CLDN15: variants seen among roughly 807,000 people sequenced by gnomAD.
CLDN15 encodes claudin-15.
CLDN15 carries 9 observed loss-of-function variants against 24.5 expected under a neutral mutation model. The ratio of observed to expected loss-of-function variants is 0.37; its 90% CI spans 0.22 to 0.64. CLDN15 has a LOEUF of 0.64. CLDN15 is among the 30% of genes least tolerant of loss of function. The pLI, the probability that CLDN15 is intolerant of heterozygous loss-of-function variation, is 0.63. For missense variants in CLDN15, 248 were observed against 305.9 expected, an observed-to-expected ratio of 0.81 and a Z score of 1.41; for synonymous variants, 149 against 131.4, an observed-to-expected ratio of 1.13 and a Z score of -0.92.
At chr7:101,236,940 AC>A in intron 1 of CLDN15, 1 of 533,498 alleles carries the variant, frequency 1.9e-6, no homozygotes, top group Non-Finnish European at 3.1e-6. Context: ...CCCCCTGCCC[AC>A]CCCAGCAATC....
Position 101,237,645 on chromosome 7 carries a change from A to T in CLDN15, c.-64T>A. The T allele has an allele frequency of 1.7e-6, 2 of 1,209,396 alleles. No individual in the cohort carries two copies. Among genetic ancestry groups the T allele is most frequent in the Non-Finnish European group, 2.4e-6 (2 of 822,184 alleles). 74.9% of individuals were successfully genotyped at this position (1,209,396 alleles called of 1,614,324 possible). A position where few individuals can be genotyped will look rare whatever the true frequency, so the allele number is the denominator to read the frequency against. On this transcript the variant is annotated 5_prime_UTR_variant, in exon 1 of 5. Transcript: ENST00000308344. The surrounding 1 kb of genome is among the most constrained non-coding windows in gnomAD (Gnocchi z 4.0). Reference sequence around the variant, plus strand: ...AGGGGGAGGGGCAGAACCCCTAGGGAACTGGAAGGGGCTGCGGCTAAGGAG... The same window carrying T: ...AGGGGGAGGGGCAGAACCCCTAGGGTACTGGAAGGGGCTGCGGCTAAGGAG...
chr7:101,232,941 C>G (rs1292358515), intron 2 of CLDN15, 27 bp from the exon 3 acceptor site: 2 of 1,552,884 alleles, frequency 1.3e-6, no homozygotes, highest in Non-Finnish European at 1.8e-6. Context: ...GACCCCAGTC[C>G]AGTCCAGGGG....
intron 2 of CLDN15, chr7:101,233,737 A>G (rs1389357297): frequency 5.3e-6 from 1 of 189,252 alleles, no homozygotes; most frequent in Non-Finnish European, 1.1e-5. Context: ...CAGTGGGACT[A>G]CAGGTGCCTG....
chr7:101,234,408 G>A lies in CLDN15; in HGVS notation c.252C>T (p.Thr84=), dbSNP rs773466668. The change falls in exon 2 of 5, where the codon ACC becomes ACT. Residue 84 remains threonine (T), a synonymous_variant. Transcript: ENST00000308344. ...GGCCGAGGAAGCCCAGGAGGATGGC[G>A]GTGATCATGAGTGCCCGGCAGGCCT... ...YIQACRALMI[T]AILLGFLGLL... 5.6e-6 allele frequency: 9 copies of A among 1,613,048 alleles called. No individual in the cohort carries two copies. The highest frequency in any genetic ancestry group is 1.7e-5 in the Admixed American group (1 of 59,984).
chr7:101,237,506 T>C lies in CLDN15; in HGVS notation c.76A>G (p.Asn26Asp). Residue 26 changes from asparagine to aspartate, a missense_variant, in exon 1 of 5, where the codon AAC becomes GAC. Coordinates refer to ENST00000308344, the MANE Select transcript of CLDN15 (RefSeq NM_014343.3). The surrounding 1 kb of genome is among the most constrained non-coding windows in gnomAD (Gnocchi z 4.0). Reference sequence around the variant, plus strand: ...ACAGTGGACACTCGCCAGTAGCTGTTTGGCAGAGTCACCCCCAGCATCAGC... The same window carrying C: ...ACAGTGGACACTCGCCAGTAGCTGTCTGGCAGAGTCACCCCCAGCATCAGC... ...GLLMLGVTLPNSYWRVSTVHG... is the reference protein window; with the variant it reads ...GLLMLGVTLPDSYWRVSTVHG... 1 of 1,614,094 alleles carries C rather than the reference T, an allele frequency of 6.2e-7. No individual in the cohort carries two copies.
Position 101,232,336 on chromosome 7 carries a change from AG to A in CLDN15, c.*73del. 9.1e-7 allele frequency: 1 copy of A among 1,097,388 alleles called. No individual in the cohort carries two copies. The highest frequency in any genetic ancestry group is 1.4e-5 in the South Asian group (1 of 73,076). 68.0% of individuals were successfully genotyped at this position (1,097,388 alleles called of 1,614,324 possible). On this transcript the variant is annotated 3_prime_UTR_variant, in exon 5 of 5. Transcript: ENST00000308344. ...CGTGGCCGGCCCCTGAGGTTACTAT[AG>A]GGGAATGGGCCCCGGCCAGGTCCCC...
rs1241994651 is a variant in CLDN15 at position 101,233,064 on chromosome 7, CCA to C, written c.383-152_383-151del. ...TTCACTCAATTCCTTTCTCCCCACC[CCA>C]GTTTATAAGCCTTCCTCCTTCCTGG... is the stretch of plus-strand genomic sequence containing the variant. On this transcript the variant is annotated intron_variant, in intron 2 of 4. Transcript: ENST00000308344. The C allele has an allele frequency of 4.5e-6, 3 of 662,576 alleles. No individual in the cohort carries two copies. The African/African-American group carries it at 5.4e-5, about 12-fold the overall frequency. The allele number at this position is 662,576 out of a possible 1,614,324, so 41.0% of individuals were successfully genotyped here. A position where few individuals can be genotyped will look rare whatever the true frequency, so the allele number is the denominator to read the frequency against.
rs376961344 is a variant in CLDN15 at position 101,234,252 on chromosome 7, C to T, written c.382+26G>A. 1.9e-5 allele frequency: 30 copies of T among 1,576,832 alleles called. No individual in the cohort carries two copies. In the African/African-American group the frequency reaches 2.1e-4, roughly 11 times the overall value. Reference sequence around the variant, plus strand: ...TGAAGTCTGCGGTTGAGGGGGACCCCCGCCCCATCACCTTCCCCCAGTTAC... The same window carrying T: ...TGAAGTCTGCGGTTGAGGGGGACCCTCGCCCCATCACCTTCCCCCAGTTAC... On this transcript the variant is annotated intron_variant, in intron 2 of 4. Transcript: ENST00000308344.
At chr7:101,233,305 T>C (rs1798539471) in intron 2 of CLDN15, among the ~76,000 whole-genome samples, 1 of 151,952 alleles carries the variant, frequency 6.6e-6, no homozygotes, top group African/African-American at 2.4e-5. Context: ...AGCTGGGCCA[T>C]GGGAGTCCAG....
At position 101,234,434 on chromosome 7, in the gene CLDN15, G is replaced by A; in HGVS notation, c.226C>T (p.Gln76Ter). ...GTGATCATGAGTGCCCGGCAGGCCT[G>A]AATATACCCTGGGGGTGGGCACAGT... ...PSMLALSGYI[Q>*]ACRALMITAI... Residue 76 changes from glutamine (Q) to a stop codon, truncating the protein, a stop_gained, in exon 2 of 5, where the codon CAG becomes TAG. Coordinates refer to ENST00000308344, the MANE Select transcript of CLDN15 (RefSeq NM_014343.3). LOFTEE classifies it high-confidence loss of function. The A allele has an allele frequency of 6.2e-7, 1 of 1,610,912 alleles. No individual in the cohort carries two copies. The highest frequency in any genetic ancestry group is 8.5e-7 in the Non-Finnish European group (1 of 1,177,622).
At chr7:101,236,828 C>T in intron 1 of CLDN15, 1 of 1,291,062 alleles carries the variant, frequency 7.7e-7, no homozygotes, top group Non-Finnish European at 1.0e-6. Flanking sequence ...CCTTTATAGA[C>T]ATCAGCCGGA....
chr7:101,237,190 G>A lies in CLDN15; in HGVS notation c.217+175C>T, dbSNP rs1446191592. Among the ~76,000 whole-genome samples the A allele has an allele frequency of 6.6e-6, 1 of 151,528 alleles. No individual in the cohort carries two copies. The highest frequency in any genetic ancestry group is 2.4e-5 in the African/African-American group (1 of 40,922). On this transcript the variant is annotated intron_variant, in intron 1 of 4. Transcript: ENST00000308344. The surrounding 1 kb of genome is among the most constrained non-coding windows in gnomAD (Gnocchi z 4.0). Reference sequence around the variant, plus strand: ...TAGCGCAGGGGGCCACGTGTGGCAAGGTCTTCACTCCAGTTCTAGGCATGG... The same window carrying A: ...TAGCGCAGGGGGCCACGTGTGGCAAAGTCTTCACTCCAGTTCTAGGCATGG...
chr7:101,237,863 A>C, upstream of CLDN15: 1 of 446,956 alleles, frequency 2.2e-6, no homozygotes, highest in South Asian at 2.2e-5. The surrounding 1 kb of genome is among the most constrained non-coding windows in gnomAD (Gnocchi z 4.0). Context: ...AACGGGCCAA[A>C]AGTCCACCCC....
At chr7:101,235,863 G>A (rs1164441936) in intron 1 of CLDN15, among the ~76,000 whole-genome samples, 5 of 152,142 alleles carry the variant, frequency 3.3e-5, no homozygotes, top group Admixed American at 6.5e-5. Flanking sequence ...ACGGTTGGGA[G>A]ACGCAGTCAG....
upstream of CLDN15, chr7:101,238,118 G>T (rs1798671007): frequency 5.3e-6 from 1 of 189,060 alleles, no homozygotes; most frequent in Non-Finnish European, 1.1e-5. Flanking sequence ...GACGGAGAGA[G>T]AATGAACAGC....
rs777942191 is a variant in CLDN15 at position 101,237,327 on chromosome 7, C to A, written c.217+38G>T. Reference sequence around the variant, plus strand: ...TCCCCTGGGGTCTCTGCAGCTTCCCCGCCGCCCTCTCTCCCTGGAGCGCTC... The same window carrying A: ...TCCCCTGGGGTCTCTGCAGCTTCCCAGCCGCCCTCTCTCCCTGGAGCGCTC... On this transcript the variant is annotated intron_variant, in intron 1 of 4. Transcript: ENST00000308344. This position sits in a 1 kb window ranked among gnomAD's most constrained non-coding sequence, Gnocchi z 4.0. 1 of 1,372,710 alleles carries A rather than the reference C, an allele frequency of 7.3e-7. No individual in the cohort carries two copies. Among genetic ancestry groups the A allele is most frequent in the Middle Eastern group, 1.8e-4 (1 of 5,546 alleles). 85.0% of individuals were successfully genotyped at this position (1,372,710 alleles called of 1,614,324 possible).
chr7:101,232,333 T>C lies in CLDN15; in HGVS notation c.*77A>G. 9.4e-7 allele frequency: 1 copy of C among 1,064,694 alleles called. No individual in the cohort carries two copies. 66.0% of individuals were successfully genotyped at this position (1,064,694 alleles called of 1,614,324 possible). A position where few individuals can be genotyped will look rare whatever the true frequency, so the allele number is the denominator to read the frequency against. On this transcript the variant is annotated 3_prime_UTR_variant, in exon 5 of 5. Coordinates refer to ENST00000308344, the MANE Select transcript of CLDN15 (RefSeq NM_014343.3). ...GGGCGTGGCCGGCCCCTGAGGTTACTATAGGGGAATGGGCCCCGGCCAGGT... is the reference window on the plus strand; with the variant it reads ...GGGCGTGGCCGGCCCCTGAGGTTACCATAGGGGAATGGGCCCCGGCCAGGT...
intron 2 of CLDN15, among the ~76,000 whole-genome samples, chr7:101,233,429 ACAAG>A (rs1432491602): frequency 1.3e-5 from 2 of 152,240 alleles, no homozygotes; most frequent in Non-Finnish European, 2.9e-5. Flanking sequence ...CCTCTGGAAA[ACAAG>A]CAATACCCAC....
At chr7:101,232,966 G>A (rs1376579424) in intron 2 of CLDN15, 52 bp from the exon 3 acceptor site, 3 of 1,303,846 alleles carry the variant, frequency 2.3e-6, no homozygotes, top group South Asian at 1.2e-5. Flanking sequence ...GATAGTGGGG[G>A]AGGGGGCTTA....
Sources: allele counts gnomAD v4.1 joint callset (sites outside exome capture counted in the v4.1 genomes callset), GRCh38; gene constraint gnomAD v4.1.1; non-coding constraint Gnocchi (gnomAD v3.1); transcripts MANE v1.5; gene names NCBI Gene and HGNC (gene_info 2026-07-23, HGNC 2026-07-21).